The following KLHL2 variants were observed in gnomAD, a reference collection of about 807,000 sequenced individuals.
KLHL2 encodes kelch like family member 2, also known as kelch-like protein 2.
Under a neutral mutation model 75.8 loss-of-function variants are expected in KLHL2, and 15 were observed. The ratio of observed to expected loss-of-function variants is 0.20; its 90% CI spans 0.13 to 0.30. The LOEUF (loss-of-function observed/expected upper bound fraction) is 0.30. Among genes scored for constraint, KLHL2 ranks in the 10% least tolerant of loss-of-function variants. The pLI is 1.00. For missense variants in KLHL2, 381 were observed against 741.0 expected (o/e 0.51, Z 5.64); for synonymous variants, 214 against 251.9 (o/e 0.85, Z 1.42).
At chr4:165,215,363 AT>A (rs1172917028) in intron 1 of KLHL2, among the ~76,000 whole-genome samples, 1 of 152,218 alleles carries the variant, frequency 6.6e-6, no homozygotes, top group Non-Finnish European at 1.5e-5. Context: ...TACTTCTGAT[AT>A]CCTGGATTTG....
intron 13 of KLHL2, among the ~76,000 whole-genome samples, chr4:165,317,611 C>T (rs1377588841): frequency 6.6e-6 from 1 of 152,144 alleles, no homozygotes; most frequent in Non-Finnish European, 1.5e-5. Context: ...GTGATCTGCC[C>T]ACCTTGGCCT....
chr4:165,269,318 GT>G (rs1242886657), intron 5 of KLHL2, among the ~76,000 whole-genome samples: 1 of 152,054 alleles, frequency 6.6e-6, no homozygotes, highest in Non-Finnish European at 1.5e-5. Context: ...TACATTTAAG[GT>G]TAATATTGTT....
chr4:165,257,032 A>G (rs754389144), intron 4 of KLHL2, among the ~76,000 whole-genome samples: 2 of 152,210 alleles, frequency 1.3e-5, no homozygotes, highest in African/African-American at 2.4e-5. Context: ...TTCTCTTGTT[A>G]TTGGACATTT....
intron 5 of KLHL2, among the ~76,000 whole-genome samples, chr4:165,283,350 GT>G (rs1198885045): frequency 5.9e-5 from 9 of 152,226 alleles, no homozygotes; most frequent in African/African-American, 1.9e-4. Context: ...CTATGAGCCT[GT>G]AAAATCAAAG....
chr4:165,209,701 C>T (rs1737070869), intron 1 of KLHL2, among the ~76,000 whole-genome samples: 1 of 152,168 alleles, frequency 6.6e-6, no homozygotes, highest in Admixed American at 6.5e-5. Context: ...CTTGGAATGC[C>T]AGCATGGATG....
intron 13 of KLHL2, among the ~76,000 whole-genome samples, chr4:165,315,272 T>C (rs1404138416): frequency 6.6e-6 from 1 of 152,196 alleles, no homozygotes; most frequent in East Asian, 1.9e-4. Context: ...TCTCTATATG[T>C]GTTTATTGTT....
At position 165,310,761 on chromosome 4, in the gene KLHL2, T is replaced by C; in HGVS notation, c.1237+11T>C. ...TTGATGGGAGTACAGGTAATTTCCTTTTCATTTATTCTACATTGCTGCTAA... is the reference window on the plus strand; with the variant it reads ...TTGATGGGAGTACAGGTAATTTCCTCTTCATTTATTCTACATTGCTGCTAA... On this transcript the variant is annotated intron_variant, in intron 10 of 14. Transcript: ENST00000226725. 1 of 1,595,662 alleles carries C rather than the reference T, an allele frequency of 6.3e-7. No homozygotes were observed. The highest frequency in any genetic ancestry group is 8.6e-7 in the Non-Finnish European group (1 of 1,164,310).
At chr4:165,264,765 T>TAAAA (rs199982052) in intron 5 of KLHL2, among the ~76,000 whole-genome samples, 1 of 94,186 alleles carries the variant, frequency 1.1e-5, no homozygotes, top group Non-Finnish European at 2.0e-5. Flanking sequence ...TATATATATA[T>TAAAA]AAAACATTAT....
intron 8 of KLHL2, among the ~76,000 whole-genome samples, chr4:165,303,760 G>A (rs537910364): frequency 4.6e-5 from 7 of 151,652 alleles, no homozygotes; most frequent in Non-Finnish European, 7.4e-5. Context: ...ACGGGGTTTC[G>A]CCATCTTGGC....
chr4:165,309,904 A>C (rs1187655362), intron 9 of KLHL2, among the ~76,000 whole-genome samples: 3 of 152,218 alleles, frequency 2.0e-5, no homozygotes, highest in South Asian at 2.1e-4. Flanking sequence ...TAGAAGATCC[A>C]AAATTGAAAG....
intron 13 of KLHL2, among the ~76,000 whole-genome samples, chr4:165,316,642 A>G (rs911087763): frequency 1.3e-5 from 2 of 152,196 alleles, no homozygotes; most frequent in Non-Finnish European, 2.9e-5. Flanking sequence ...TTTTCCTTCT[A>G]ATAATTTATA....
intron 4 of KLHL2, among the ~76,000 whole-genome samples, chr4:165,243,490 T>TA (rs1393371907): frequency 6.6e-6 from 1 of 152,260 alleles, no homozygotes; most frequent in Admixed American, 6.5e-5. Context: ...GGATGGGTTT[T>TA]AAAAAGTTCA....
chr4:165,321,571 G>A lies in KLHL2; in HGVS notation c.1754-461G>A, dbSNP rs184240785. On this transcript the variant is annotated intron_variant, in intron 14 of 14. Transcript: ENST00000226725. Reference sequence around the variant, plus strand: ...CTATTAGTAATTAAATTATGCGGGAGTAAAAAATTATACATGGGTTTTTGA... The same window carrying A: ...CTATTAGTAATTAAATTATGCGGGAATAAAAAATTATACATGGGTTTTTGA... Among the ~76,000 whole-genome samples the A allele has an allele frequency of 3.9e-3, 596 of 152,292 alleles. 1 individual carries two copies. The highest frequency in any genetic ancestry group is 6.9e-3 in the Admixed American group (105 of 15,296).
chr4:165,320,862 T>A (rs936806775), intron 14 of KLHL2, among the ~76,000 whole-genome samples: 1 of 152,224 alleles, frequency 6.6e-6, no homozygotes, highest in Non-Finnish European at 1.5e-5. Context: ...GGTATGGATC[T>A]TGGAGAAATT....
rs1483800657 is a variant in KLHL2 at position 165,281,308 on chromosome 4, TC to T, written c.545-13050del. Reference sequence around the variant, plus strand: ...CCTAACCTGATGCTCTCTCTCTCTCTCTTTTTTTTTTTTTCATTTTTTATTG... The same window carrying T: ...CCTAACCTGATGCTCTCTCTCTCTCTTTTTTTTTTTTTTCATTTTTTATTG... On this transcript the variant is annotated intron_variant, in intron 5 of 14. Coordinates refer to ENST00000226725, the MANE Select transcript of KLHL2 (RefSeq NM_007246.4). Among the ~76,000 whole-genome samples, 372 of 134,734 alleles carry T rather than the reference TC, an allele frequency of 2.8e-3. 4 individuals carry two copies. Among genetic ancestry groups the T allele is most frequent in the African/African-American group, 0.011 (324 of 28,648 alleles). 88.4% of individuals were successfully genotyped at this position (134,734 alleles called of 152,430 possible).
chr4:165,279,478 G>A, intron 5 of KLHL2: 1 of 1,592,370 alleles, frequency 6.3e-7, no homozygotes, highest in Non-Finnish European at 8.6e-7. Context: ...TTTCCTTAGG[G>A]TCCTGTTCCA....
At chr4:165,209,332 G>C (rs762728628) in intron 1 of KLHL2, 2 of 152,144 alleles carry the variant, frequency 1.3e-5, no homozygotes, top group Non-Finnish European at 2.9e-5. Context: ...GCCAACATAT[G>C]GTATATAATA....
chr4:165,299,528 G>C lies in KLHL2; in HGVS notation c.793G>C (p.Val265Leu). Residue 265 changes from valine (V) to leucine (L), a missense_variant, in exon 8 of 15, where the codon GTC becomes CTC. Physicochemically the swap from Val to Leu is conservative, Grantham distance 32. Around this residue, in one of 5 missense-constraint regions of KLHL2, gnomAD observed 111 missense variants for 150.1 expected, o/e 0.74. Coordinates refer to ENST00000226725, the MANE Select transcript of KLHL2 (RefSeq NM_007246.4). ...ACAGAGGGTTGAAGAGGAAGCATTG[G>C]TCAAGAATAGCAGTGCTTGCAAAGA... ...LVQRVEEEAL[V>L]KNSSACKDYL... The C allele has an allele frequency of 1.2e-6, 2 of 1,612,740 alleles. No homozygotes were observed. The highest frequency in any genetic ancestry group is 1.7e-6 in the Non-Finnish European group (2 of 1,179,418).
chr4:165,305,816 A>G (rs1270774833), intron 9 of KLHL2, 91 bp downstream of exon 9: 1 of 913,154 alleles, frequency 1.1e-6, no homozygotes, highest in Admixed American at 2.1e-5. Context: ...AAAAATCTCT[A>G]TCAAAAAAGC....
Sources: gnomAD v4.1 joint callset for allele counts (sites outside exome capture counted in the v4.1 genomes callset) on GRCh38, gnomAD v4.1.1 for gene constraint, gnomAD v4.1.1 regional missense constraint, MANE v1.5 for transcripts, NCBI Gene and HGNC (gene_info 2026-07-23, HGNC 2026-07-21) for gene names.